The following C4orf51 variants were observed in gnomAD, a reference collection of about 807,000 sequenced individuals.
C4orf51 encodes the protein chromosome 4 open reading frame 51.
In C4orf51, 25 loss-of-function variants were observed where a neutral mutation model predicts 25.2. The observed-to-expected ratio is 0.99, with a 90% CI of 0.72 to 1.39. C4orf51 has a LOEUF of 1.39. Ranked by LOEUF, C4orf51 falls within the 40% of genes most tolerant of loss-of-function variation. The pLI is 0.00. For synonymous variants in C4orf51, 100 were observed against 84.5 expected (o/e 1.18, Z -1.01); for missense variants, 252 against 239.6 (o/e 1.05, Z -0.34).
chr4:145,728,903 G>A (rs1425327426), intron 3 of C4orf51, among the ~76,000 whole-genome samples: 1 of 151,416 alleles, frequency 6.6e-6, no homozygotes, highest in African/African-American at 2.4e-5. Flanking sequence ...TATTACAGTG[G>A]TGGCTTTTTC....
the C4orf51 span, among the ~76,000 whole-genome samples, chr4:145,787,984 T>C: frequency 6.6e-6 from 1 of 152,138 alleles, no homozygotes; most frequent in African/African-American, 2.4e-5. Flanking sequence ...CTGTTTTACA[T>C]ATAAGAAAAC....
At chr4:145,721,557 C>T (rs555593436) in intron 2 of C4orf51, among the ~76,000 whole-genome samples, 1 of 152,170 alleles carries the variant, frequency 6.6e-6, no homozygotes, top group African/African-American at 2.4e-5. Context: ...GTTTTCCTCT[C>T]TCTATTTTAA....
At chr4:145,758,451 C>T (rs1429295555), downstream of C4orf51, 1 of 152,296 alleles carries the variant, frequency 6.6e-6, no homozygotes, top group East Asian at 1.9e-4. Context: ...AAGTGTGATT[C>T]GCCTTTTCTA....
rs1191900282 is a variant in C4orf51, at chr4:145,695,527, G to C, written c.234-1032G>C. 2.0e-5 allele frequency among the ~76,000 whole-genome samples: 3 copies of C among 152,084 alleles called. No individual in the cohort carries two copies. The East Asian group carries it at 5.8e-4, about 29-fold the overall frequency. ...GCAAATATTTTATCCTCTTCTGTAGGTTGTCTGTTTACTCTGTTGGTTTAT... is the reference window on the plus strand; with the variant it reads ...GCAAATATTTTATCCTCTTCTGTAGCTTGTCTGTTTACTCTGTTGGTTTAT... On this transcript the variant is annotated intron_variant, in intron 1 of 5. Coordinates refer to ENST00000438731, the MANE Select transcript of C4orf51 (RefSeq NM_001080531.3).
chr4:145,681,469 C>T (rs1268237761), intron 1 of C4orf51, among the ~76,000 whole-genome samples: 2 of 152,180 alleles, frequency 1.3e-5, no homozygotes, highest in Admixed American at 6.5e-5. Context: ...AAATAACTCT[C>T]AAGTATATTG....
At chr4:145,768,069 TAGG>T (rs1275170213) in intron 1 of C4orf51, among the ~76,000 whole-genome samples, 2 of 152,222 alleles carry the variant, frequency 1.3e-5, no homozygotes, top group Non-Finnish European at 2.9e-5. Flanking sequence ...GTATAAACGC[TAGG>T]AGGAGAGAAA....
At chr4:145,729,587 C>T (rs1417369494) in intron 4 of C4orf51, among the ~76,000 whole-genome samples, 1 of 152,194 alleles carries the variant, frequency 6.6e-6, no homozygotes, top group Non-Finnish European at 1.5e-5. Flanking sequence ...AGGCGTGAGC[C>T]ACCATGCCCG....
chr4:145,729,087 A>C lies in C4orf51; in HGVS notation c.367-82A>C, dbSNP rs902490805. 4.1e-6 allele frequency: 4 copies of C among 978,650 alleles called. No individual in the cohort carries two copies. In the Admixed American group the frequency reaches 6.0e-5, roughly 15 times the overall value. The allele number at this position is 978,650 out of a possible 1,614,324, so 60.6% of individuals were successfully genotyped here. Reference sequence around the variant, plus strand: ...TTTCTGAATGCAGGGGTGGGGAGGAACAATGTTGGGAAAATGAATTTTATT... The same window carrying C: ...TTTCTGAATGCAGGGGTGGGGAGGACCAATGTTGGGAAAATGAATTTTATT... On this transcript the variant is annotated intron_variant, in intron 3 of 5. Transcript: ENST00000438731.
chr4:145,727,060 T>A, intron 3 of C4orf51, 91 bp downstream of exon 3: 1 of 1,010,972 alleles, frequency 9.9e-7, no homozygotes, highest in South Asian at 1.5e-5. Flanking sequence ...CAAAAGGGGT[T>A]AAATTTTTAA....
chr4:145,782,959 A>G, the C4orf51 span, among the ~76,000 whole-genome samples: 1 of 152,186 alleles, frequency 6.6e-6, no homozygotes, highest in Non-Finnish European at 1.5e-5. Context: ...AGCCCTGCCC[A>G]ATTCCCAAGG....
chr4:145,774,472 A>G, downstream of C4orf51: 1 of 1,591,514 alleles, frequency 6.3e-7, no homozygotes, highest in Non-Finnish European at 8.6e-7. Context: ...GGGGATGGAG[A>G]AGGAGTGTGA....
chr4:145,703,704 C>A (rs561390297), intron 2 of C4orf51, among the ~76,000 whole-genome samples: 1 of 152,126 alleles, frequency 6.6e-6, no homozygotes, highest in Non-Finnish European at 1.5e-5. Flanking sequence ...AGCTTTCTCC[C>A]TATGTTGTCT....
intron 1 of C4orf51, among the ~76,000 whole-genome samples, chr4:145,696,133 G>A (rs772551499): frequency 8.5e-5 from 13 of 152,140 alleles, no homozygotes; most frequent in Non-Finnish European, 1.3e-4. Context: ...TTGGTGGTGC[G>A]TGCCTGTAGT....
chr4:145,706,777 A>T (rs1199470374), intron 2 of C4orf51, among the ~76,000 whole-genome samples: 1 of 149,728 alleles, frequency 6.7e-6, no homozygotes, highest in Non-Finnish European at 1.5e-5. Context: ...AGTAGCTGGG[A>T]CTACAAGGTT....
chr4:145,700,399 A>C (rs1340098647), intron 2 of C4orf51, among the ~76,000 whole-genome samples: 3 of 151,542 alleles, frequency 2.0e-5, no homozygotes, highest in Non-Finnish European at 2.9e-5. Context: ...TCCACCCTCC[A>C]TTCCTCCTTC....
chr4:145,690,809 G>C (rs1490288476), intron 1 of C4orf51, among the ~76,000 whole-genome samples: 2 of 152,058 alleles, frequency 1.3e-5, no homozygotes, highest in African/African-American at 4.8e-5. Flanking sequence ...CCATCAAAAA[G>C]TGCACAAAGG....
chr4:145,751,439 G>C (rs71614558), intron 1 of C4orf51, among the ~76,000 whole-genome samples: 3,082 of 152,168 alleles, frequency 0.02, 48 homozygotes, highest in Non-Finnish European at 0.03. Context: ...AGAATTCTCT[G>C]GATTACCAGG....
chr4:145,770,342 AT>A (rs1485881203), intron 1 of C4orf51, among the ~76,000 whole-genome samples: 130 of 57,618 alleles, frequency 2.3e-3, no homozygotes, highest in Non-Finnish European at 5.4e-3. Context: ...AAATAAATAA[AT>A]AAATAAAATA....
intron 1 of C4orf51, among the ~76,000 whole-genome samples, chr4:145,684,088 T>C (rs531033932): frequency 2.0e-5 from 3 of 149,980 alleles, no homozygotes; most frequent in African/African-American, 7.5e-5. Flanking sequence ...TACAAAGAAC[T>C]CTTAAAATTA....
Sources: allele counts gnomAD v4.1 joint callset (sites outside exome capture counted in the v4.1 genomes callset), GRCh38; gene constraint gnomAD v4.1.1; transcripts MANE v1.5; gene names NCBI Gene and HGNC (gene_info 2026-07-23, HGNC 2026-07-21).